The following CANX variants were observed in gnomAD, a reference collection of about 807,000 sequenced individuals.
CANX encodes the protein epididymis secretory sperm binding protein.
A neutral mutation model predicts 75.7 loss-of-function variants in CANX; 14 were observed. That is an observed-to-expected ratio of 0.19 (90% CI 0.12 to 0.29). The LOEUF is 0.29. Among genes scored for constraint, CANX ranks in the 10% least tolerant of loss-of-function variants. The probability of loss-of-function intolerance (pLI) is 1.00; values close to 1 mark genes in which losing one functional copy is unlikely to be tolerated. For missense variants in CANX, 567 were observed against 713.2 expected (o/e 0.79, Z 2.34); for synonymous variants, 227 against 236.9 (o/e 0.96, Z 0.38).
Position 179,724,666 on chromosome 5 carries a change from A to C in CANX, c.1528A>C (p.Ser510Arg), listed in dbSNP as rs367668742. 1.2e-6 allele frequency: 2 copies of C among 1,613,182 alleles called. No homozygotes were observed. The highest frequency in any genetic ancestry group is 2.7e-5 in the African/African-American group (2 of 74,890). The change falls in exon 13 of 15, where the codon AGT (serine) becomes CGT (arginine). Residue 510 changes from serine (S) to arginine (R), a missense_variant. Transcript: ENST00000247461. ...TTGGGGAACATTTCAGAAACAGACC[A>C]GTGGTATGGAGTATAAGAAAACTGA... ...LFCCSGKKQT[S>R]GMEYKKTDAP...
At chr5:179,680,970 C>A (rs1776048657) in intron 1 of CANX, 61 of 1,471,406 alleles carry the variant, frequency 4.1e-5, no homozygotes, top group Non-Finnish European at 5.2e-5. Context: ...CCCCGTTAGT[C>A]CTCACTGTAT....
chr5:179,692,223 C>A (rs1430801360), intron 1 of CANX, among the ~76,000 whole-genome samples: 1 of 151,968 alleles, frequency 6.6e-6, no homozygotes, highest in Non-Finnish European at 1.5e-5. Context: ...TACAGGTACG[C>A]ACCACCATGC....
In CANX at chr5:179,718,321, C is replaced by T. The variant is rs138951188; in HGVS notation, c.912-1347C>T. 2.8e-3 allele frequency among the ~76,000 whole-genome samples: 424 copies of T among 151,968 alleles called. 3 individuals carry two copies. The highest frequency in any genetic ancestry group is 3.2e-3 in the Non-Finnish European group (215 of 67,926). ...CATCCCAAGTAGCTGGGACTACAAG[C>T]GTGCACCACTGCACTCGTGCCTCAC... On this transcript the variant is annotated intron_variant, in intron 8 of 14. Transcript: ENST00000247461.
intron 1 of CANX, among the ~76,000 whole-genome samples, chr5:179,699,342 A>G (rs1776569587): frequency 1.3e-5 from 2 of 152,306 alleles, no homozygotes; most frequent in South Asian, 4.1e-4. Flanking sequence ...GTGGCCCGAC[A>G]GCCTTCTTTG....
intron 1 of CANX, chr5:179,699,666 A>G (rs1257164370): frequency 6.6e-6 from 1 of 152,264 alleles, no homozygotes; most frequent in Non-Finnish European, 1.5e-5. Context: ...TACAGCACCT[A>G]TTCTGGAGGC....
Position 179,710,158 on chromosome 5 carries a change from C to T in CANX, c.721+93C>T, listed in dbSNP as rs1296620385. 6 of 785,232 alleles carry T rather than the reference C, an allele frequency of 7.6e-6. No individual in the cohort carries two copies. In the South Asian group the frequency reaches 8.9e-5, roughly 12 times the overall value. 48.6% of individuals were successfully genotyped at this position (785,232 alleles called of 1,614,324 possible). On this transcript the variant is annotated intron_variant, in intron 7 of 14. Coordinates refer to ENST00000247461, the MANE Select transcript of CANX (RefSeq NM_001746.4). ...GTATATCTGGCCGGGCACTGTGGCT[C>T]ACGCCTGTAATCCCAGCACTTTGGG...
chr5:179,709,558 A>G (rs2113161793), intron 6 of CANX: 1 of 213,752 alleles, frequency 4.7e-6, no homozygotes, highest in African/African-American at 2.3e-5. Context: ...GTTGTTACCA[A>G]CTGTTTTTAT....
upstream of CANX, chr5:179,694,355 G>A: frequency 3.5e-6 from 2 of 571,420 alleles, no homozygotes; most frequent in East Asian, 5.7e-5. Context: ...CCGGGAAAGA[G>A]AAGTCTAAAT....
chr5:179,729,343 C>G lies in CANX; in HGVS notation c.*699C>G. 1 of 153,256 alleles carries G rather than the reference C, an allele frequency of 6.5e-6. No homozygotes were observed. Among genetic ancestry groups the G allele is most frequent in the East Asian group, 1.9e-4 (1 of 5,240 alleles). The allele number at this position is 153,256 out of a possible 1,614,324, so 9.5% of individuals were successfully genotyped here. Reference sequence around the variant, plus strand: ...GTTCTGTAGCTCAGTTCCCAGACAGCTTTTTAGGTAGTGGAGGAGGTGGCT... The same window carrying G: ...GTTCTGTAGCTCAGTTCCCAGACAGGTTTTTAGGTAGTGGAGGAGGTGGCT... On this transcript the variant is annotated 3_prime_UTR_variant, in exon 15 of 15. Transcript: ENST00000247461.
intron 1 of CANX, chr5:179,678,905 C>T (rs1775974100): frequency 1.3e-6 from 2 of 1,535,076 alleles, no homozygotes; most frequent in African/African-American, 2.7e-5. Context: ...CCACCGCCCG[C>T]CGCGGAACAC....
At chr5:179,686,116 T>TTTTTTTTTTTTTTTG (rs1581816689) in intron 1 of CANX, among the ~76,000 whole-genome samples, 1 of 150,666 alleles carries the variant, frequency 6.6e-6, no homozygotes, top group African/African-American at 2.4e-5. Flanking sequence ...TTTTTTTTTT[T>TTTTTTTTTTTTTTTG]GAGACGGAGT....
intron 1 of CANX, chr5:179,680,916 C>G: frequency 6.5e-7 from 1 of 1,536,666 alleles, no homozygotes; most frequent in Non-Finnish European, 8.7e-7. Context: ...TGGAAGCCCA[C>G]ATCCAGGCCC....
chr5:179,692,001 C>T (rs1776306855), intron 1 of CANX, among the ~76,000 whole-genome samples: 4 of 151,372 alleles, frequency 2.6e-5, no homozygotes, highest in South Asian at 4.2e-4. Context: ...AGGACAGTCT[C>T]GATCTCCTGA....
chr5:179,710,728 G>C (rs1177356482), intron 7 of CANX, among the ~76,000 whole-genome samples: 1 of 48,930 alleles, frequency 2.0e-5, no homozygotes, highest in African/African-American at 5.2e-5. Flanking sequence ...AAAAAAGATT[G>C]TATATCTGGA....
At chr5:179,716,412 C>G in intron 8 of CANX, 118 bp downstream of exon 8, 1 of 704,728 alleles carries the variant, frequency 1.4e-6, no homozygotes, top group Non-Finnish European at 2.4e-6. Flanking sequence ...ATGATGCAGT[C>G]TAATCTGTAG....
chr5:179,703,472 C>T (rs1464320945), intron 1 of CANX, among the ~76,000 whole-genome samples: 1 of 152,086 alleles, frequency 6.6e-6, no homozygotes, highest in Non-Finnish European at 1.5e-5. Flanking sequence ...TCCCAACGTG[C>T]TAGGATTACA....
chr5:179,720,984 A>G (rs1409504791), intron 10 of CANX, among the ~76,000 whole-genome samples: 1 of 152,016 alleles, frequency 6.6e-6, no homozygotes, highest in African/African-American at 2.4e-5. Flanking sequence ...GTGTTTCACC[A>G]TGTTGGCCAG....
intron 12 of CANX, 126 bp from the exon 13 acceptor site, chr5:179,724,531 C>G: frequency 1.4e-6 from 1 of 713,140 alleles, no homozygotes; most frequent in Non-Finnish European, 2.4e-6. Context: ...GAATTACATC[C>G]TATTCGTTTC....
chr5:179,689,020 G>A (rs918253742), intron 1 of CANX, among the ~76,000 whole-genome samples: 9 of 151,772 alleles, frequency 5.9e-5, no homozygotes, highest in Non-Finnish European at 1.3e-4. Flanking sequence ...AGGCCAAGGC[G>A]GGTGGATCAC....
Sources: gnomAD v4.1 joint callset for allele counts (sites outside exome capture counted in the v4.1 genomes callset) on GRCh38, gnomAD v4.1.1 for gene constraint, MANE v1.5 for transcripts, NCBI Gene and HGNC (gene_info 2026-07-23, HGNC 2026-07-21) for gene names.